IL21R: variants seen among roughly 807,000 people sequenced by gnomAD.
IL21R encodes the protein interleukin-21 receptor.
IL21R carries 14 observed loss-of-function variants against 41.3 expected under a neutral mutation model. The observed-to-expected ratio is 0.34, with a 90% CI of 0.22 to 0.53. IL21R has a LOEUF of 0.53. Ranked by LOEUF, IL21R falls within the 20% of genes least tolerant of loss-of-function variation. IL21R has a pLI of 0.94. For missense variants in IL21R, 588 were observed against 681.6 expected (o/e 0.86, Z 1.53); for synonymous variants, 286 against 287.6 (o/e 0.99, Z 0.05).
chr16:27,440,872 G>A (rs2087376139), intron 4 of IL21R, among the ~76,000 whole-genome samples: 1 of 151,900 alleles, frequency 6.6e-6, no homozygotes, highest in African/African-American at 2.4e-5. Flanking sequence ...CCAACATGGG[G>A]AAACTACTTC....
intron 1 of IL21R, among the ~76,000 whole-genome samples, chr16:27,421,801 T>G (rs2087005107): frequency 6.6e-6 from 1 of 152,156 alleles, no homozygotes; most frequent in Admixed American, 6.5e-5. Flanking sequence ...GATCATATTA[T>G]CTGCAAAGAG....
intron 2 of IL21R, among the ~76,000 whole-genome samples, chr16:27,431,248 G>C (rs986113120): frequency 6.6e-6 from 1 of 152,212 alleles, no homozygotes; most frequent in Non-Finnish European, 1.5e-5. Flanking sequence ...TTTCTGAGTG[G>C]CAAGCATCCT....
chr16:27,418,202 TG>T, intron 1 of IL21R, among the ~76,000 whole-genome samples: 1 of 150,984 alleles, frequency 6.6e-6, no homozygotes, highest in African/African-American at 2.4e-5. Flanking sequence ...CCCAAGTAGC[TG>T]GGACTACAGG....
intron 4 of IL21R, among the ~76,000 whole-genome samples, chr16:27,440,248 T>TATAGAGAGAGAGAGAGAGAGAGAG (rs1352160946): frequency 1.6e-5 from 1 of 64,044 alleles, no homozygotes; most frequent in Non-Finnish European, 2.7e-5. Flanking sequence ...TATATATATA[T>TATAGAGAGAGAGAGAGAGAGAGAG]AGAGAGAGAG....
intron 1 of IL21R, chr16:27,427,396 T>G: frequency 3.3e-6 from 3 of 897,056 alleles, no homozygotes; most frequent in Non-Finnish European, 4.0e-6. Flanking sequence ...GTTTTTTGTT[T>G]GTCTGTTTGT....
intron 1 of IL21R, chr16:27,403,091 A>G (rs2141250693): frequency 3.6e-6 from 2 of 558,980 alleles, no homozygotes; most frequent in South Asian, 1.5e-5. Context: ...TGAGGCAATG[A>G]GGCTGCGAGA....
At chr16:27,429,385 TTAGA>T (rs1293922214) in intron 1 of IL21R, among the ~76,000 whole-genome samples, 3 of 152,166 alleles carry the variant, frequency 2.0e-5, no homozygotes, top group Non-Finnish European at 2.9e-5. Context: ...TCTTTCTTTG[TTAGA>T]TAGATAAATA....
At chr16:27,439,059 C>G (rs961250403) in intron 4 of IL21R, among the ~76,000 whole-genome samples, 2 of 152,104 alleles carry the variant, frequency 1.3e-5, no homozygotes, top group African/African-American at 4.8e-5. Context: ...CCGCTAGATT[C>G]CCAGCAGAGG....
rs1010327830 is a variant in IL21R at position 27,433,246 on chromosome 16, C to T, written c.50-1101C>T. On this transcript the variant is annotated intron_variant, in intron 2 of 8. Coordinates refer to ENST00000337929, the MANE Select transcript of IL21R (RefSeq NM_181078.3). Reference sequence around the variant, plus strand: ...CTTTGGGAGGCTGAGGCAGGTGGATCGCTTGAGCTCAGGAGATTGAGACCA... The same window carrying T: ...CTTTGGGAGGCTGAGGCAGGTGGATTGCTTGAGCTCAGGAGATTGAGACCA... Among the ~76,000 whole-genome samples the T allele has an allele frequency of 8.5e-5, 13 of 152,276 alleles. No individual in the cohort carries two copies. In the South Asian group the frequency reaches 1.9e-3, roughly 22 times the overall value.
At chr16:27,440,293 C>CG (rs2087366701) in intron 4 of IL21R, among the ~76,000 whole-genome samples, 2 of 138,012 alleles carry the variant, frequency 1.4e-5, no homozygotes, top group South Asian at 4.4e-4. Flanking sequence ...AGCAAGCGCG[C>CG]GCCAGGGTGT....
At chr16:27,402,948 G>A (rs960721465) in intron 1 of IL21R, 9 of 363,378 alleles carry the variant, frequency 2.5e-5, no homozygotes, top group African/African-American at 1.9e-4. Flanking sequence ...ACCCGATTCT[G>A]GGCGGCTGAG....
At chr16:27,429,838 G>A (rs945498312) in intron 1 of IL21R, among the ~76,000 whole-genome samples, 5 of 152,184 alleles carry the variant, frequency 3.3e-5, no homozygotes, top group African/African-American at 1.2e-4. Flanking sequence ...TGGGGCGGGG[G>A]CAGGAAGAAG....
At chr16:27,434,653 C>A (rs1466448337) in intron 3 of IL21R, among the ~76,000 whole-genome samples, 2 of 152,178 alleles carry the variant, frequency 1.3e-5, no homozygotes, top group African/African-American at 4.8e-5. Context: ...CCACACAGGT[C>A]GGCCATGGTT....
intron 1 of IL21R, among the ~76,000 whole-genome samples, chr16:27,407,295 C>T (rs938619658): frequency 6.6e-6 from 1 of 152,182 alleles, no homozygotes; most frequent in Non-Finnish European, 1.5e-5. Context: ...TACACAGAGA[C>T]ATTTACAAAA....
At position 27,448,644 on chromosome 16, in the gene IL21R, C is replaced by A. The variant is rs2087528777; in HGVS notation, c.978C>A (p.Ala326=). The change falls in exon 9 of 9, where the codon GCC becomes GCA. Residue 326 remains alanine, a synonymous_variant. Coordinates refer to ENST00000337929, the MANE Select transcript of IL21R (RefSeq NM_181078.3). ...VYSCHPPRSP[A]KRLQLTELQE... Reference sequence around the variant, plus strand: ...GCTGCCACCCACCACGGAGCCCGGCCAAGAGGCTGCAGCTCACGGAGCTAC... The same window carrying A: ...GCTGCCACCCACCACGGAGCCCGGCAAAGAGGCTGCAGCTCACGGAGCTAC... 3 of 1,613,018 alleles carry A rather than the reference C, an allele frequency of 1.9e-6. No individual in the cohort carries two copies. The African/African-American group carries it at 4.0e-5, about 22-fold the overall frequency.
intron 1 of IL21R, among the ~76,000 whole-genome samples, chr16:27,422,640 G>C (rs140327579): frequency 6.6e-6 from 1 of 151,816 alleles, no homozygotes; most frequent in Non-Finnish European, 1.5e-5. Flanking sequence ...TTTTAAATAG[G>C]TTCCAAATTT....
chr16:27,442,720 C>T (rs1471326025), intron 4 of IL21R: 5 of 349,012 alleles, frequency 1.4e-5, no homozygotes, highest in Admixed American at 4.6e-5. Flanking sequence ...GTGACCTGCC[C>T]GCCCCTGAGT....
At chr16:27,410,694 T>C (rs1178714372) in intron 1 of IL21R, among the ~76,000 whole-genome samples, 9 of 152,226 alleles carry the variant, frequency 5.9e-5, no homozygotes, top group Non-Finnish European at 4.4e-5. Context: ...AGATCTTTTT[T>C]ACCCTTAACA....
chr16:27,426,077 A>G (rs2087072202), intron 1 of IL21R, among the ~76,000 whole-genome samples: 1 of 152,224 alleles, frequency 6.6e-6, no homozygotes, highest in African/African-American at 2.4e-5. Context: ...TGCTTTATAA[A>G]TGTTGACTAA....
Sources: gnomAD v4.1 joint callset for allele counts (sites outside exome capture counted in the v4.1 genomes callset) on GRCh38, gnomAD v4.1.1 for gene constraint, MANE v1.5 for transcripts, NCBI Gene and HGNC (gene_info 2026-07-23, HGNC 2026-07-21) for gene names.